Variants in ARMC2 observed in about 807,000 individuals in gnomAD.
The protein encoded by ARMC2 is armadillo repeat-containing protein 2.
In ARMC2, 67 loss-of-function variants were observed where a neutral mutation model predicts 90.3. The ratio of observed to expected loss-of-function variants is 0.74; its 90% CI spans 0.61 to 0.91. ARMC2 has a LOEUF of 0.91. ARMC2 is among the 40% of genes least tolerant of loss of function. The pLI is 0.00. For missense variants in ARMC2, 920 were observed against 1,030.9 expected, an observed-to-expected ratio of 0.89 and a Z score of 1.47; for synonymous variants, 393 against 393.0, an observed-to-expected ratio of 1.00 and a Z score of 0.00.
At chr6:108,932,485 A>T (rs75996302) in intron 11 of ARMC2, among the ~76,000 whole-genome samples, 3,073 of 86,650 alleles carry the variant, frequency 0.035, 62 homozygotes, top group African/African-American at 0.07. Flanking sequence ...CCCCGTGATT[A>T]TTTATTAAAC....
chr6:109,040,804 G>A, the ARMC2 span, among the ~76,000 whole-genome samples: 1 of 151,514 alleles, frequency 6.6e-6, no homozygotes, highest in Non-Finnish European at 1.5e-5. Context: ...AGGTGCACGC[G>A]ACCACGCCCA....
chr6:108,858,704 T>G (rs1290001692), intron 3 of ARMC2, among the ~76,000 whole-genome samples: 1 of 151,852 alleles, frequency 6.6e-6, no homozygotes, highest in East Asian at 1.9e-4. Flanking sequence ...AATATATGTA[T>G]TCAAAGATTT....
At chr6:108,855,250 C>CTTTTTTTTTTTTTTTT (rs1256172618) in intron 2 of ARMC2, among the ~76,000 whole-genome samples, 2 of 138,170 alleles carry the variant, frequency 1.4e-5, no homozygotes, top group African/African-American at 2.6e-5. Context: ...TTTTGTTTTT[C>CTTTTTTTTTTTTTTTT]TTTTTTTTTT....
the ARMC2 span, chr6:109,002,168 C>CT: frequency 1.1e-6 from 1 of 902,662 alleles, no homozygotes. Flanking sequence ...GCAACCAACT[C>CT]TGACTAAAAC....
the ARMC2 span, among the ~76,000 whole-genome samples, chr6:109,011,369 G>A: frequency 6.6e-6 from 1 of 152,068 alleles, no homozygotes; most frequent in Non-Finnish European, 1.5e-5. Context: ...ATTTAATGCT[G>A]CCTTATGTGA....
At chr6:108,919,545 A>C (rs1774338359) in intron 10 of ARMC2, among the ~76,000 whole-genome samples, 3 of 152,172 alleles carry the variant, frequency 2.0e-5, no homozygotes, top group Admixed American at 2.0e-4. Flanking sequence ...GATAATTTAA[A>C]CCAAATTTAA....
At chr6:109,000,190 TACTA>T in the ARMC2 span, 8 of 194,442 alleles carry the variant, frequency 4.1e-5, no homozygotes, top group Middle Eastern at 1.8e-3. Flanking sequence ...ATTTTTAGGG[TACTA>T]ACTATTCCAT....
the ARMC2 span, chr6:108,992,876 T>G: frequency 1.2e-6 from 2 of 1,612,810 alleles, no homozygotes; most frequent in South Asian, 2.2e-5. Flanking sequence ...GATACAGCTC[T>G]TGCTGGTGTA....
intron 2 of ARMC2, 50 bp downstream of exon 2, chr6:108,854,535 T>A: frequency 6.5e-7 from 1 of 1,533,468 alleles, no homozygotes; most frequent in Non-Finnish European, 9.0e-7. Flanking sequence ...AGCACCAGGT[T>A]ATACCTTCCC....
chr6:109,000,497 G>A, the ARMC2 span: 6 of 1,564,720 alleles, frequency 3.8e-6, no homozygotes, highest in Admixed American at 9.0e-5. Flanking sequence ...TTACCTCAAT[G>A]TGTTCTTTGG....
At chr6:108,865,110 G>A (rs1457745575) in intron 3 of ARMC2, among the ~76,000 whole-genome samples, 1 of 151,116 alleles carries the variant, frequency 6.6e-6, no homozygotes, top group East Asian at 2.0e-4. Context: ...AGCCTCTTGA[G>A]TAGTTGGGAC....
At chr6:109,036,613 T>C in the ARMC2 span, among the ~76,000 whole-genome samples, 2 of 152,196 alleles carry the variant, frequency 1.3e-5, no homozygotes, top group African/African-American at 4.8e-5. Flanking sequence ...CACTATAATA[T>C]GATATGATAA....
chr6:108,862,910 A>G (rs899943515), intron 3 of ARMC2, among the ~76,000 whole-genome samples: 7 of 152,292 alleles, frequency 4.6e-5, no homozygotes, highest in African/African-American at 9.6e-5. Context: ...GATTAGCTCA[A>G]TGCTGCTTTT....
chr6:109,005,545 AATT>A, the ARMC2 span, among the ~76,000 whole-genome samples: 1 of 152,218 alleles, frequency 6.6e-6, no homozygotes, highest in African/African-American at 2.4e-5. Context: ...TTATATGCCA[AATT>A]ATTATAAAAC....
chr6:108,855,757 G>A (rs369597955), intron 2 of ARMC2, among the ~76,000 whole-genome samples: 7 of 152,144 alleles, frequency 4.6e-5, no homozygotes, highest in African/African-American at 9.7e-5. Flanking sequence ...TTGGCCATTC[G>A]AATAAGTGTG....
intron 3 of ARMC2, among the ~76,000 whole-genome samples, chr6:108,866,096 A>C (rs933853880): frequency 6.6e-6 from 1 of 151,414 alleles, no homozygotes; most frequent in Non-Finnish European, 1.5e-5. Flanking sequence ...CTTTGTCTGC[A>C]TGATTGTTAG....
chr6:108,942,731 G>A (rs913669339), intron 12 of ARMC2, among the ~76,000 whole-genome samples: 11 of 152,122 alleles, frequency 7.2e-5, no homozygotes, highest in African/African-American at 2.7e-4. Context: ...ATCAGAAAGA[G>A]TCAGTAGACC....
chr6:108,899,899 A>G (rs1054131706), intron 7 of ARMC2, 107 bp downstream of exon 7: 1 of 810,410 alleles, frequency 1.2e-6, no homozygotes, highest in African/African-American at 1.8e-5. Flanking sequence ...GTAAGTTTTC[A>G]CTATCATTTC....
At chr6:108,878,935 A>G (rs1352802112) in intron 5 of ARMC2, among the ~76,000 whole-genome samples, 1 of 151,726 alleles carries the variant, frequency 6.6e-6, no homozygotes, top group African/African-American at 2.4e-5. Context: ...CGACATATCT[A>G]CCCATACATC....
Sources: allele counts gnomAD v4.1 joint callset (sites outside exome capture counted in the v4.1 genomes callset), GRCh38; gene constraint gnomAD v4.1.1; transcripts MANE v1.5; gene names NCBI Gene and HGNC (gene_info 2026-07-23, HGNC 2026-07-21).